The following MROH9 variants were observed in gnomAD, a reference collection of about 807,000 sequenced individuals.
MROH9 encodes the protein maestro heat like repeat family member 9, also known as maestro heat-like repeat-containing protein family member 9.
A neutral mutation model predicts 98.2 loss-of-function variants in MROH9; 92 were observed. The ratio of observed to expected loss-of-function variants is 0.94; its 90% confidence interval spans 0.79 to 1.11. The LOEUF (loss-of-function observed/expected upper bound fraction) is 1.11, where lower values mean the gene tolerates loss of function less well. Among genes scored for constraint, MROH9 ranks in the 50% most tolerant of loss-of-function variants. The pLI, the probability that MROH9 is intolerant of heterozygous loss-of-function variation, is 0.00. For synonymous variants in MROH9, 397 were observed against 368.9 expected (o/e 1.08, Z -0.87); for missense variants, 1,057 against 1,014.8 (o/e 1.04, Z -0.57).
chr1:170,952,061 C>T (rs1328041995), intron 3 of MROH9, among the ~76,000 whole-genome samples: 1 of 151,720 alleles, frequency 6.6e-6, no homozygotes, highest in Non-Finnish European at 1.5e-5. Flanking sequence ...TACCATCTCA[C>T]ACCAGTTAGA....
chr1:171,027,990 G>T (rs553899821), intron 20 of MROH9, among the ~76,000 whole-genome samples: 1 of 152,172 alleles, frequency 6.6e-6, no homozygotes, highest in South Asian at 2.1e-4. Flanking sequence ...TCTGTAGGTT[G>T]CCTGTTCAGT....
chr1:171,041,295 T>C (rs1029031049), intron 20 of MROH9, among the ~76,000 whole-genome samples: 13 of 150,334 alleles, frequency 8.6e-5, no homozygotes, highest in African/African-American at 3.2e-4. Context: ...GCATCCATGT[T>C]GCTGCAATAT....
intron 8 of MROH9, among the ~76,000 whole-genome samples, chr1:170,977,208 C>G (rs1386874722): frequency 2.0e-5 from 3 of 152,104 alleles, no homozygotes; most frequent in Non-Finnish European, 4.4e-5. Flanking sequence ...GATCTTCATT[C>G]CTAGCCATAT....
At chr1:170,949,251 T>G (rs1223920347) in intron 3 of MROH9, among the ~76,000 whole-genome samples, 1 of 152,062 alleles carries the variant, frequency 6.6e-6, no homozygotes, top group African/African-American at 2.4e-5. Flanking sequence ...AGCTCTCAGC[T>G]GCCAACACTT....
chr1:171,025,236 G>A, intron 19 of MROH9, 82 bp from the exon 20 acceptor site: 1 of 777,154 alleles, frequency 1.3e-6, no homozygotes, highest in Non-Finnish European at 2.1e-6. Flanking sequence ...GTCCTGATTT[G>A]GTATGTTGAA....
At chr1:170,985,734 T>C (rs1461039752) in intron 9 of MROH9, among the ~76,000 whole-genome samples, 2 of 151,010 alleles carry the variant, frequency 1.3e-5, no homozygotes, top group Admixed American at 6.6e-5. Flanking sequence ...AGCCCCCCTC[T>C]CCAAGCCTTG....
chr1:171,027,758 G>A (rs1652768428), intron 20 of MROH9, among the ~76,000 whole-genome samples: 1 of 152,212 alleles, frequency 6.6e-6, no homozygotes, highest in African/African-American at 2.4e-5. Flanking sequence ...TGACTGGTGT[G>A]AGATGGTATC....
intron 13 of MROH9, among the ~76,000 whole-genome samples, chr1:170,996,076 C>T (rs568544157): frequency 4.9e-4 from 75 of 152,056 alleles, no homozygotes; most frequent in Non-Finnish European, 7.6e-4. Context: ...ATTTTGCTAC[C>T]CTGCAGGGAA....
intron 20 of MROH9, among the ~76,000 whole-genome samples, chr1:171,030,356 T>C (rs1652867370): frequency 6.6e-6 from 1 of 152,174 alleles, no homozygotes. Flanking sequence ...TTCTTGATGC[T>C]CTAGCTCTTT....
chr1:170,938,716 G>A (rs187352823), intron 1 of MROH9, among the ~76,000 whole-genome samples: 30 of 152,312 alleles, frequency 2.0e-4, no homozygotes, highest in Non-Finnish European at 3.2e-4. Context: ...ATACCTGGAC[G>A]GCAAATCCAT....
chr1:170,974,972 C>T (rs1438054377), intron 8 of MROH9, among the ~76,000 whole-genome samples: 1 of 151,598 alleles, frequency 6.6e-6, no homozygotes, highest in Non-Finnish European at 1.5e-5. Flanking sequence ...CCTAAAGCCA[C>T]CATTAAGATA....
intron 3 of MROH9, among the ~76,000 whole-genome samples, chr1:170,957,120 T>C (rs1649795506): frequency 6.6e-6 from 1 of 152,046 alleles, no homozygotes; most frequent in Non-Finnish European, 1.5e-5. Flanking sequence ...TTCCATAGGT[T>C]GTCTTTCTAA....
rs1571488898 is a variant in MROH9 at position 170,996,772 on chromosome 1, T to C, written c.1475+128T>C. On this transcript the variant is annotated intron_variant, in intron 14 of 21. Coordinates refer to ENST00000367759, the MANE Select transcript of MROH9 (RefSeq NM_001163629.2). ...TCCAAATCTCTCTTAATGATCTGAG[T>C]TGCTATTTGATTTCTACTTCTTCAA... 3 of 900,522 alleles carry C rather than the reference T, an allele frequency of 3.3e-6. No homozygotes were observed. In the East Asian group the frequency reaches 7.9e-5, roughly 24 times the overall value. The allele number at this position is 900,522 out of a possible 1,614,324, so 55.8% of individuals were successfully genotyped here.
At chr1:170,967,952 C>T (rs1195437383) in intron 7 of MROH9, among the ~76,000 whole-genome samples, 1 of 152,072 alleles carries the variant, frequency 6.6e-6, no homozygotes, top group African/African-American at 2.4e-5. Flanking sequence ...AGAGTCCCCA[C>T]AAAATGATGG....
intron 15 of MROH9, among the ~76,000 whole-genome samples, chr1:171,011,077 ATTT>A (rs950887956): frequency 8.6e-5 from 13 of 151,852 alleles, no homozygotes; most frequent in African/African-American, 2.9e-4. Context: ...GTAACATTGA[ATTT>A]TTTTTACTTC....
At chr1:170,969,029 A>C (rs1459146748) in intron 7 of MROH9, among the ~76,000 whole-genome samples, 1 of 152,230 alleles carries the variant, frequency 6.6e-6, no homozygotes, top group African/African-American at 2.4e-5. Context: ...AGAATAGTTT[A>C]GTGGTTCTCC....
intron 17 of MROH9, among the ~76,000 whole-genome samples, chr1:171,021,692 G>C (rs1652524004): frequency 6.6e-6 from 1 of 151,914 alleles, no homozygotes. Flanking sequence ...CATAGGCGTG[G>C]GCAAAGACTT....
At chr1:170,971,650 A>G in intron 7 of MROH9, 98 bp from the exon 8 acceptor site, 2 of 1,355,622 alleles carry the variant, frequency 1.5e-6, no homozygotes, top group Non-Finnish European at 2.0e-6. Flanking sequence ...AGCTTATCTT[A>G]GAATCCTAGT....
chr1:170,965,016 A>C, intron 6 of MROH9, 135 bp from the exon 7 acceptor site: 1 of 576,462 alleles, frequency 1.7e-6, no homozygotes. Context: ...TGTGTTTTTG[A>C]GATAAATGTA....
Sources: allele counts gnomAD v4.1 joint callset (sites outside exome capture counted in the v4.1 genomes callset), GRCh38; gene constraint gnomAD v4.1.1; transcripts MANE v1.5; gene names NCBI Gene and HGNC (gene_info 2026-07-23, HGNC 2026-07-21).